Variants in MYO3A observed in about 807,000 individuals in gnomAD.
MYO3A encodes myosin IIIA, also known as myosin-IIIa.
MYO3A carries 180 observed loss-of-function variants against 192.7 expected under a neutral mutation model. The ratio of observed to expected loss-of-function variants is 0.93; its 90% CI spans 0.83 to 1.06. The LOEUF is 1.06. Ranked by LOEUF, MYO3A falls within the 50% of genes least tolerant of loss-of-function variation. The pLI is 0.00. For missense variants in MYO3A, 1,896 were observed against 1,905.0 expected, an observed-to-expected ratio of 1.00 and a Z score of 0.09; for synonymous variants, 628 against 645.3, an observed-to-expected ratio of 0.97 and a Z score of 0.41.
intron 28 of MYO3A, among the ~76,000 whole-genome samples, chr10:26,169,772 G>C (rs1352655820): frequency 6.6e-6 from 1 of 152,176 alleles, no homozygotes; most frequent in Non-Finnish European, 1.5e-5. Context: ...TGCAAACTCA[G>C]TAATTTGGGC....
chr10:26,096,566 A>C lies in MYO3A; in HGVS notation c.1662-2A>C, dbSNP rs1190696593. On this transcript the variant is annotated splice_acceptor_variant, in intron 16 of 34. Coordinates refer to ENST00000642920, the MANE Select transcript of MYO3A (RefSeq NM_017433.5). LOFTEE classifies it high-confidence loss of function. ...TTATCCTTCCTTTTATATTTTTTTT[A>C]GGTACCTACAAAATGACCACCTCAG... 1 of 1,591,278 alleles carries C rather than the reference A, an allele frequency of 6.3e-7. No individual in the cohort carries two copies. Among genetic ancestry groups the C allele is most frequent in the East Asian group, 2.2e-5 (1 of 44,686 alleles).
chr10:26,075,106 T>G (rs1477203937), intron 14 of MYO3A, among the ~76,000 whole-genome samples: 3 of 152,122 alleles, frequency 2.0e-5, no homozygotes, highest in African/African-American at 7.2e-5. Flanking sequence ...GATGTGTCTG[T>G]TTTTATGCCA....
intron 10 of MYO3A, among the ~76,000 whole-genome samples, chr10:26,066,121 CAAAAAA>C (rs1331706742): frequency 5.2e-5 from 1 of 19,376 alleles, no homozygotes; most frequent in African/African-American, 1.7e-4. Flanking sequence ...AACTCCGTCT[CAAAAAA>C]AAAAAAAAAA....
At chr10:26,037,923 C>T (rs1244433629) in intron 10 of MYO3A, among the ~76,000 whole-genome samples, 1 of 152,154 alleles carries the variant, frequency 6.6e-6, no homozygotes, top group African/African-American at 2.4e-5. Context: ...GGGTCCCTCC[C>T]CCCAACATTA....
chr10:26,192,473 G>A (rs532498862), intron 31 of MYO3A, among the ~76,000 whole-genome samples: 1 of 152,048 alleles, frequency 6.6e-6, no homozygotes, highest in Admixed American at 6.6e-5. Context: ...CTGGTACAAG[G>A]GGGAGGGAAG....
At chr10:26,151,910 G>T (rs189007265) in intron 23 of MYO3A, among the ~76,000 whole-genome samples, 1 of 152,168 alleles carries the variant, frequency 6.6e-6, no homozygotes, top group Non-Finnish European at 1.5e-5. Context: ...TTTTCATTTT[G>T]TATGTCTTTT....
intron 17 of MYO3A, among the ~76,000 whole-genome samples, chr10:26,113,165 C>T (rs1225239095): frequency 6.6e-6 from 1 of 152,110 alleles, no homozygotes; most frequent in African/African-American, 2.4e-5. Context: ...GAAATACTCA[C>T]TTCATTTTTA....
intron 2 of MYO3A, among the ~76,000 whole-genome samples, chr10:25,951,273 G>A (rs1444524599): frequency 6.6e-6 from 1 of 151,982 alleles, no homozygotes; most frequent in Non-Finnish European, 1.5e-5. Flanking sequence ...TAATTAATCA[G>A]TCAATCATTT....
At chr10:25,992,222 T>C (rs1840082136) in intron 4 of MYO3A, among the ~76,000 whole-genome samples, 1 of 152,200 alleles carries the variant, frequency 6.6e-6, no homozygotes, top group Admixed American at 6.5e-5. Context: ...CTTGAAGAGG[T>C]CCTTCACATC....
intron 21 of MYO3A, among the ~76,000 whole-genome samples, chr10:26,144,769 C>A (rs1403497776): frequency 2.0e-5 from 3 of 152,094 alleles, no homozygotes; most frequent in African/African-American, 7.2e-5. Flanking sequence ...AAAATGTGGT[C>A]CCCTGCCCAG....
At chr10:25,951,685 G>A (rs1008597310) in intron 2 of MYO3A, among the ~76,000 whole-genome samples, 12 of 152,084 alleles carry the variant, frequency 7.9e-5, no homozygotes, top group Non-Finnish European at 1.3e-4. Context: ...GACATAAAAC[G>A]TGATCACTTA....
chr10:26,129,172 T>A (rs775407776), intron 20 of MYO3A, among the ~76,000 whole-genome samples: 1 of 152,370 alleles, frequency 6.6e-6, no homozygotes, highest in African/African-American at 2.4e-5. Flanking sequence ...CTCCTTCAAG[T>A]AATATTATAT....
chr10:26,040,252 T>C (rs1440627326), intron 10 of MYO3A, among the ~76,000 whole-genome samples: 1 of 152,074 alleles, frequency 6.6e-6, no homozygotes, highest in East Asian at 1.9e-4. Context: ...GTAGCAAATC[T>C]GACTGATTTT....
At position 26,146,612 on chromosome 10, in the gene MYO3A, A is replaced by G. The variant is rs142217099; in HGVS notation, c.2506-818A>G. On this transcript the variant is annotated intron_variant, in intron 22 of 34. Transcript: ENST00000642920. ...CCCTGGTTCCTCTTCCTGCTCTTAT[A>G]AGAACACAAGTCTTATTGGTGTAGG... Among the ~76,000 whole-genome samples the G allele has an allele frequency of 2.1e-3, 318 of 152,266 alleles. 1 individual carries two copies. Among genetic ancestry groups the G allele is most frequent in the Non-Finnish European group, 3.6e-3 (243 of 68,002 alleles).
chr10:25,946,830 A>T lies in MYO3A; in HGVS notation c.-17-5264A>T, dbSNP rs931547519. Among the ~76,000 whole-genome samples the T allele has an allele frequency of 1.9e-4, 28 of 144,188 alleles. 1 individual carries two copies. The highest frequency in any genetic ancestry group is 1.8e-3 in the South Asian group (8 of 4,376). 94.6% of individuals were successfully genotyped at this position (144,188 alleles called of 152,430 possible). ...GAGGTGGAGCTTGCAGTGAGCCAAG[A>T]TCACACGACTGCACTCTGGCCTGGG... On this transcript the variant is annotated intron_variant, in intron 2 of 34. Transcript: ENST00000642920.
At chr10:26,073,341 G>A (rs998380844) in intron 14 of MYO3A, among the ~76,000 whole-genome samples, 3 of 152,192 alleles carry the variant, frequency 2.0e-5, no homozygotes, top group East Asian at 1.9e-4. Flanking sequence ...GGAGGCCAAG[G>A]CGGGTGGATC....
Position 26,211,987 on chromosome 10 carries a change from C to T in MYO3A, c.*24C>T, listed in dbSNP as rs747514205. ...AACCGTTCAACGAGGCAGTCACCGC[C>T]GTCGGAAGGCGCTGGAGCCTGCGGG... On this transcript the variant is annotated 3_prime_UTR_variant, in exon 35 of 35. Coordinates refer to ENST00000642920, the MANE Select transcript of MYO3A (RefSeq NM_017433.5). The T allele has an allele frequency of 6.2e-7, 1 of 1,607,052 alleles. No homozygotes were observed. Among genetic ancestry groups the T allele is most frequent in the Middle Eastern group, 1.7e-4 (1 of 5,914 alleles).
intron 10 of MYO3A, among the ~76,000 whole-genome samples, chr10:26,033,389 T>G (rs1440154761): frequency 6.6e-6 from 1 of 152,128 alleles, no homozygotes; most frequent in Admixed American, 6.5e-5. Flanking sequence ...GTTCCCTTTC[T>G]TATTAATGGC....
intron 2 of MYO3A, among the ~76,000 whole-genome samples, chr10:25,946,601 C>A (rs961587069): frequency 2.6e-5 from 4 of 151,316 alleles, no homozygotes; most frequent in African/African-American, 9.7e-5. Flanking sequence ...CCTTGCAGGC[C>A]AGTTGTGGTG....
Sources: allele counts gnomAD v4.1 joint callset (sites outside exome capture counted in the v4.1 genomes callset), GRCh38; gene constraint gnomAD v4.1.1; transcripts MANE v1.5; gene names NCBI Gene and HGNC (gene_info 2026-07-23, HGNC 2026-07-21).